BACH2: variants seen among roughly 807,000 people sequenced by gnomAD.
BACH2 encodes BACH transcriptional regulator 2, also known as transcription regulator protein BACH2.
In BACH2, 5 loss-of-function variants were observed where a neutral mutation model predicts 61.8. The ratio of observed to expected loss-of-function variants is 0.08; its 90% CI spans 0.04 to 0.17. The LOEUF (loss-of-function observed/expected upper bound fraction) is 0.17, where lower values mean the gene tolerates loss of function less well. BACH2 is among the 10% of genes least tolerant of loss of function. BACH2 has a pLI of 1.00. For synonymous variants in BACH2, 446 were observed against 440.1 expected, an observed-to-expected ratio of 1.01 and a Z score of -0.17; for missense variants, 824 against 1,091.1, an observed-to-expected ratio of 0.76 and a Z score of 3.45.
At chr6:90,251,555 T>A (rs1014542783) in intron 3 of BACH2, among the ~76,000 whole-genome samples, 10 of 97,500 alleles carry the variant, frequency 1.0e-4, no homozygotes, top group Non-Finnish European at 2.4e-4. Context: ...AACACTCTTT[T>A]GCTAGTCATA....
At chr6:90,172,406 C>T (rs1767847744) in intron 4 of BACH2, among the ~76,000 whole-genome samples, 1 of 149,544 alleles carries the variant, frequency 6.7e-6, no homozygotes. Context: ...AAAAAACAGA[C>T]AATGTGGGAA....
chr6:90,184,981 T>C (rs927457023), intron 4 of BACH2, among the ~76,000 whole-genome samples: 2 of 152,222 alleles, frequency 1.3e-5, no homozygotes, highest in African/African-American at 4.8e-5. Flanking sequence ...CTTTAGAGAC[T>C]GAAGGAGTTA....
chr6:90,025,536 C>A (rs1778593032), intron 5 of BACH2, among the ~76,000 whole-genome samples: 1 of 152,166 alleles, frequency 6.6e-6, no homozygotes, highest in African/African-American at 2.4e-5. Flanking sequence ...AGAGAAAAGT[C>A]ATTTCTTTTC....
intron 3 of BACH2, among the ~76,000 whole-genome samples, chr6:90,212,564 T>C (rs1769393171): frequency 6.6e-6 from 1 of 152,198 alleles, no homozygotes. Context: ...TTTGCTCCCC[T>C]GTGCGCTGCC....
intron 5 of BACH2, among the ~76,000 whole-genome samples, chr6:90,015,647 T>C (rs1268058633): frequency 1.3e-5 from 2 of 152,234 alleles, no homozygotes; most frequent in African/African-American, 2.4e-5. Flanking sequence ...CATATGACTT[T>C]AATCCTTTTA....
intron 3 of BACH2, among the ~76,000 whole-genome samples, chr6:90,250,321 A>G (rs534795520): frequency 6.6e-6 from 1 of 152,360 alleles, no homozygotes; most frequent in African/African-American, 2.4e-5. Context: ...AAGTTGACCT[A>G]CCAAAGCCAG....
chr6:90,294,706 T>C (rs1181374674), intron 1 of BACH2, among the ~76,000 whole-genome samples: 5 of 152,116 alleles, frequency 3.3e-5, no homozygotes, highest in Admixed American at 3.3e-4. Flanking sequence ...AGAACCAGGG[T>C]GGGGCGATCT....
chr6:90,161,059 G>C (rs1218451454), intron 4 of BACH2, among the ~76,000 whole-genome samples: 1 of 137,118 alleles, frequency 7.3e-6, no homozygotes, highest in Admixed American at 8.2e-5. Flanking sequence ...CTGCACTCCA[G>C]CCTGGCGACA....
intron 5 of BACH2, among the ~76,000 whole-genome samples, chr6:90,016,356 CTG>C (rs1778058962): frequency 6.6e-6 from 1 of 152,218 alleles, no homozygotes; most frequent in African/African-American, 2.4e-5. Context: ...TTCTGACTCT[CTG>C]TGTTAACTAT....
intron 2 of BACH2, among the ~76,000 whole-genome samples, chr6:90,260,512 C>A (rs765415354): frequency 1.3e-5 from 2 of 152,182 alleles, no homozygotes. Flanking sequence ...AAAAACTTTA[C>A]ATTCTGCTGC....
chr6:90,077,661 C>A (rs1781533049), intron 5 of BACH2, among the ~76,000 whole-genome samples: 1 of 152,114 alleles, frequency 6.6e-6, no homozygotes, highest in Non-Finnish European at 1.5e-5. Context: ...AAAAACAACC[C>A]AGCAAAATAC....
chr6:90,103,029 A>ATTTTTTTTTTTTTT (rs371386234), intron 4 of BACH2, among the ~76,000 whole-genome samples: 2 of 21,162 alleles, frequency 9.5e-5, no homozygotes, highest in Non-Finnish European at 1.6e-4. Flanking sequence ...ATATATATAT[A>ATTTTTTTTTTTTTT]TTTTTTTTTT....
At chr6:89,971,708 C>T (rs1176324695) in intron 6 of BACH2, among the ~76,000 whole-genome samples, 4 of 152,258 alleles carry the variant, frequency 2.6e-5, no homozygotes, top group Admixed American at 2.6e-4. Flanking sequence ...AGCAAAGGGA[C>T]ATCTTACATG....
At chr6:90,116,112 G>A (rs979521073) in intron 4 of BACH2, among the ~76,000 whole-genome samples, 1 of 152,040 alleles carries the variant, frequency 6.6e-6, no homozygotes, top group African/African-American at 2.4e-5. Flanking sequence ...TCCTCAAAGA[G>A]CAAAAAGCAG....
chr6:89,972,115 G>A (rs1041025998), intron 6 of BACH2, among the ~76,000 whole-genome samples: 1 of 152,240 alleles, frequency 6.6e-6, no homozygotes, highest in African/African-American at 2.4e-5. Context: ...AGGAGCAGCA[G>A]CTGGGGCAAG....
chr6:90,008,819 G>A lies in BACH2; in HGVS notation c.26C>T (p.Ser9Phe), dbSNP rs1261481591. The A allele has an allele frequency of 3.7e-6, 6 of 1,614,136 alleles. No homozygotes were observed. The highest frequency in any genetic ancestry group is 5.1e-6 in the Non-Finnish European group (6 of 1,180,024). Reference sequence around the variant, plus strand: ...TGTGGACTCATACACATACATGGGGGAGTCAGGCTTCTCATCCACAGACAT... The same window carrying A: ...TGTGGACTCATACACATACATGGGGAAGTCAGGCTTCTCATCCACAGACAT... MSVDEKPDSPMYVYESTVH... is the reference protein window; with the variant it reads MSVDEKPDFPMYVYESTVH... Residue 9 changes from serine to phenylalanine, a missense_variant, in exon 6 of 9, where the codon TCC (serine) becomes TTC (phenylalanine). Ser to Phe is a radical substitution (Grantham distance 155, BLOSUM62 -2). This residue lies in a region of BACH2 where 66 missense variants were observed against 144.8 expected (regional missense o/e 0.46). Transcript: ENST00000257749. The surrounding 1 kb of genome is among the most constrained non-coding windows in gnomAD (Gnocchi z 4.1).
At chr6:90,102,845 T>A (rs997702128) in intron 4 of BACH2, among the ~76,000 whole-genome samples, 8 of 127,994 alleles carry the variant, frequency 6.3e-5, no homozygotes, top group South Asian at 2.4e-4. Flanking sequence ...ATAATAAAAA[T>A]AAAAGGACCT....
intron 6 of BACH2, among the ~76,000 whole-genome samples, chr6:89,957,095 G>A (rs1290274908): frequency 1.3e-5 from 2 of 152,150 alleles, no homozygotes; most frequent in African/African-American, 2.4e-5. Flanking sequence ...TTTTTAAAAC[G>A]CTAGACCACT....
intron 1 of BACH2, among the ~76,000 whole-genome samples, chr6:90,273,537 G>A (rs1380970925): frequency 1.3e-5 from 2 of 152,128 alleles, no homozygotes; most frequent in Admixed American, 6.5e-5. Context: ...TCCTAAACCT[G>A]TGTGCTCACC....
Sources: allele counts gnomAD v4.1 joint callset (sites outside exome capture counted in the v4.1 genomes callset), GRCh38; gene constraint gnomAD v4.1.1; regional missense constraint gnomAD v4.1.1; non-coding constraint Gnocchi (gnomAD v3.1); transcripts MANE v1.5; gene names NCBI Gene and HGNC (gene_info 2026-07-23, HGNC 2026-07-21).